Variants in FAM184B observed in about 807,000 individuals in gnomAD.
The protein encoded by FAM184B is protein FAM184B.
A neutral mutation model predicts 135.9 loss-of-function variants in FAM184B; 111 were observed. The observed-to-expected ratio is 0.82, with a 90% CI of 0.70 to 0.96. The LOEUF (loss-of-function observed/expected upper bound fraction) is 0.96, where lower values mean the gene tolerates loss of function less well. Ranked by LOEUF, FAM184B falls within the 40% of genes least tolerant of loss-of-function variation. The pLI is 0.00. For missense variants in FAM184B, 1,375 were observed against 1,323.9 expected (o/e 1.04, Z -0.60); for synonymous variants, 552 against 524.8 (o/e 1.05, Z -0.71).
intron 6 of FAM184B, among the ~76,000 whole-genome samples, 176 bp from the exon 7 acceptor site, chr4:17,688,707 TCTGATCCAGGG>T (rs1716652382): frequency 6.9e-6 from 1 of 145,114 alleles, no homozygotes. Flanking sequence ...TTTTTTTTTT[TCTGATCCAGGG>T]TCTTGCTCTG....
chr4:17,763,621 T>C (rs1162558078), intron 1 of FAM184B, among the ~76,000 whole-genome samples: 1 of 152,220 alleles, frequency 6.6e-6, no homozygotes, highest in Non-Finnish European at 1.5e-5. Flanking sequence ...GGCTCTTGTC[T>C]GCTGTATTAA....
At chr4:17,737,255 A>G (rs998504086) in intron 1 of FAM184B, among the ~76,000 whole-genome samples, 3 of 152,204 alleles carry the variant, frequency 2.0e-5, no homozygotes, top group Admixed American at 6.5e-5. Flanking sequence ...CAGCTGTGTT[A>G]TGTACAAACA....
At chr4:17,692,106 T>G (rs535981022) in intron 6 of FAM184B, among the ~76,000 whole-genome samples, 1 of 151,062 alleles carries the variant, frequency 6.6e-6, no homozygotes, top group African/African-American at 2.4e-5. Context: ...CAGGCCACCT[T>G]AAGCTCTGCA....
intron 1 of FAM184B, among the ~76,000 whole-genome samples, chr4:17,720,186 G>T (rs1717486659): frequency 6.6e-6 from 1 of 152,128 alleles, no homozygotes; most frequent in Non-Finnish European, 1.5e-5. Flanking sequence ...TGACCAGGCT[G>T]GACCTGCCAC....
chr4:17,770,406 G>C (rs369672244), intron 1 of FAM184B, among the ~76,000 whole-genome samples: 16 of 151,926 alleles, frequency 1.1e-4, no homozygotes, highest in African/African-American at 3.9e-4. Flanking sequence ...TTGTTTATGA[G>C]GTAAAGTCAC....
At chr4:17,695,404 G>A (rs901686805) in intron 5 of FAM184B, among the ~76,000 whole-genome samples, 2 of 152,012 alleles carry the variant, frequency 1.3e-5, no homozygotes, top group African/African-American at 2.4e-5. Context: ...AAACTCCAGC[G>A]ATCCTCCCAC....
At chr4:17,771,431 T>C (rs2108997676) in intron 1 of FAM184B, among the ~76,000 whole-genome samples, 1 of 152,342 alleles carries the variant, frequency 6.6e-6, no homozygotes, top group East Asian at 1.9e-4. Context: ...CAAAGATTCG[T>C]GAGCTCCTTA....
intron 5 of FAM184B, among the ~76,000 whole-genome samples, chr4:17,694,017 C>T (rs534403417): frequency 4.6e-5 from 7 of 152,192 alleles, no homozygotes; most frequent in African/African-American, 1.4e-4. Context: ...CTCCATGGTC[C>T]CTCACCACAG....
chr4:17,656,427 A>G (rs1367540222), intron 10 of FAM184B, among the ~76,000 whole-genome samples: 3 of 152,144 alleles, frequency 2.0e-5, no homozygotes, highest in Non-Finnish European at 2.9e-5. Context: ...TTTGAGACGG[A>G]GTCTTGCCGT....
At chr4:17,751,577 G>T (rs1718292455) in intron 1 of FAM184B, among the ~76,000 whole-genome samples, 1 of 152,014 alleles carries the variant, frequency 6.6e-6, no homozygotes, top group Non-Finnish European at 1.5e-5. Context: ...TGTTACTGTT[G>T]TGTCTTCCAC....
chr4:17,741,590 AG>A (rs1718036348), intron 1 of FAM184B, among the ~76,000 whole-genome samples: 2 of 152,208 alleles, frequency 1.3e-5, no homozygotes, highest in African/African-American at 4.8e-5. Flanking sequence ...GCTACTCGGG[AG>A]GCTGAGACAC....
chr4:17,652,725 G>C, intron 11 of FAM184B, 105 bp downstream of exon 11: 7 of 1,342,452 alleles, frequency 5.2e-6, no homozygotes, highest in Non-Finnish European at 7.0e-6. Flanking sequence ...GCCGTGGCCT[G>C]TGAGCCCGAG....
intron 12 of FAM184B, among the ~76,000 whole-genome samples, chr4:17,643,435 G>C (rs7692295): frequency 0.032 from 4,867 of 152,156 alleles, 244 homozygotes; most frequent in African/African-American, 0.11. Context: ...GTGAGGGCTG[G>C]TGCATGGGTG....
chr4:17,770,224 G>A (rs1006573919), intron 1 of FAM184B, among the ~76,000 whole-genome samples: 4 of 152,212 alleles, frequency 2.6e-5, no homozygotes, highest in African/African-American at 7.2e-5. Context: ...TTAAACAGAC[G>A]AATGACATGT....
chr4:17,750,749 GTATC>G (rs1476636824), intron 1 of FAM184B, among the ~76,000 whole-genome samples: 3 of 152,078 alleles, frequency 2.0e-5, no homozygotes, highest in African/African-American at 7.2e-5. Flanking sequence ...TTATTCTTTA[GTATC>G]TTGGACCTGA....
rs990399450 is a variant in FAM184B, at chr4:17,709,348, C to T, written c.438G>A (p.Thr146=). The T allele has an allele frequency of 3.1e-5, 48 of 1,548,860 alleles. 1 individual carries two copies. The highest frequency in any genetic ancestry group is 7.9e-5 in the Admixed American group (4 of 50,826). The change falls in exon 2 of 18, where the codon ACG becomes ACA. Residue 146 remains threonine (T), a synonymous_variant. Transcript: ENST00000265018. ...VEAEHAERVL[T]LSREMLELKA... is the part of the protein sequence containing the mutation. Reference sequence around the variant, plus strand: ...TGAGCTCCAGCATTTCCCTGGAGAGCGTGAGGACTCGCTCGGCGTGCTCTG... The same window carrying T: ...TGAGCTCCAGCATTTCCCTGGAGAGTGTGAGGACTCGCTCGGCGTGCTCTG...
intron 1 of FAM184B, among the ~76,000 whole-genome samples, chr4:17,742,155 TATATATATATATA>T (rs1434211999): frequency 6.3e-4 from 60 of 94,908 alleles, no homozygotes; most frequent in African/African-American, 2.1e-3. Flanking sequence ...TATATATATA[TATATATATATATA>T]TTTTTTTTTT....
chr4:17,721,306 C>T (rs990994055), intron 1 of FAM184B, among the ~76,000 whole-genome samples: 1 of 144,692 alleles, frequency 6.9e-6, no homozygotes, highest in African/African-American at 2.6e-5. Flanking sequence ...ATGGCGTGAA[C>T]CCGGGAGGCA....
At position 17,646,496 on chromosome 4, in the gene FAM184B, C is replaced by T. The variant is rs548080183; in HGVS notation, c.2346+1141G>A. ...ATCAGAAGGACAAAAAACCAAACAC[C>T]ACATGTTCTCACTCATAGGTGGGAA... On this transcript the variant is annotated intron_variant, in intron 12 of 17. Transcript: ENST00000265018. Among the ~76,000 whole-genome samples, 100 of 152,112 alleles carry T rather than the reference C, an allele frequency of 6.6e-4. 1 individual carries two copies. The East Asian group carries it at 0.012, about 18-fold the overall frequency.
Sources: gnomAD v4.1 joint callset for allele counts (sites outside exome capture counted in the v4.1 genomes callset) on GRCh38, gnomAD v4.1.1 for gene constraint, MANE v1.5 for transcripts, NCBI Gene and HGNC (gene_info 2026-07-23, HGNC 2026-07-21) for gene names.